KDM5C: variants seen among roughly 807,000 people sequenced by gnomAD.
KDM5C encodes the protein lysine-specific demethylase 5C.
In KDM5C, 16 loss-of-function variants were observed where a neutral mutation model predicts 110.6. The ratio of observed to expected loss-of-function variants is 0.14; its 90% confidence interval spans 0.10 to 0.22. The LOEUF is 0.22. Among genes scored for constraint, KDM5C ranks in the 10% least tolerant of loss-of-function variants. The probability of loss-of-function intolerance (pLI) is 1.00; values close to 1 mark genes in which losing one functional copy is unlikely to be tolerated. For missense variants in KDM5C, 681 were observed against 1,300.9 expected (o/e 0.52, Z 7.33); for synonymous variants, 511 against 520.4 (o/e 0.98, Z 0.24).
chrX:53,216,330 A>G, intron 5 of KDM5C, 133 bp from the exon 6 acceptor site: 1 of 950,975 alleles, frequency 1.1e-6, no homozygotes, highest in South Asian at 2.0e-5. Context: ...CTAAGCCAAG[A>G]ACTCAGAGTT....
chrX:53,176,277 T>C (rs1933882078), downstream of KDM5C, among the ~76,000 whole-genome samples: 1 of 111,752 alleles, frequency 8.9e-6, no homozygotes, highest in Non-Finnish European at 1.9e-5. Context: ...GAGATGAATA[T>C]TGCCAGGGAA....
Position 53,225,027 on chromosome X carries a change from A to G in KDM5C, c.-138T>C. On this transcript the variant is annotated 5_prime_UTR_variant, in exon 1 of 26. Coordinates refer to ENST00000375401, the MANE Select transcript of KDM5C (RefSeq NM_004187.5). ...GGCAGCCGCCGCCCGCCGAGGGCCTAAGGGGGCGTGTGGCCGTCGTGCTCT... is the reference window on the plus strand; with the variant it reads ...GGCAGCCGCCGCCCGCCGAGGGCCTGAGGGGGCGTGTGGCCGTCGTGCTCT... 1.3e-6 allele frequency: 1 copy of G among 758,413 alleles called. No homozygotes were observed. The highest frequency in any genetic ancestry group is 1.8e-6 in the Non-Finnish European group (1 of 542,001). 62.5% of individuals were successfully genotyped at this position (758,413 alleles called of 1,213,427 possible). A position where few individuals can be genotyped will look rare whatever the true frequency, so the allele number is the denominator to read the frequency against.
intron 1 of KDM5C, 97 bp from the exon 2 acceptor site, chrX:53,221,013 C>T: frequency 1.4e-6 from 1 of 730,142 alleles, no homozygotes; most frequent in Non-Finnish European, 2.1e-6. Flanking sequence ...TGGCACCTTC[C>T]CAAACCTCTA....
chrX:53,190,910 C>T (rs896387906), downstream of KDM5C, among the ~76,000 whole-genome samples: 30 of 111,767 alleles, frequency 2.7e-4, no homozygotes, highest in Non-Finnish European at 5.1e-4. Context: ...CAGGACCCAG[C>T]CTTTAGCCTC....
chrX:53,193,366 G>A (rs1556832678), intron 25 of KDM5C, 34 bp from the exon 26 acceptor site: 2 of 1,211,126 alleles, frequency 1.7e-6, no homozygotes, highest in Non-Finnish European at 2.2e-6. Flanking sequence ...GACAGGTTGT[G>A]GGCCAGTGGT....
chrX:53,197,797 C>T lies in KDM5C; in HGVS notation c.2596G>A (p.Ala866Thr), dbSNP rs868906719. 4 of 1,203,535 alleles carry T rather than the reference C, an allele frequency of 3.3e-6. No individual in the cohort carries two copies. The highest frequency in any genetic ancestry group is 3.0e-5 in the East Asian group (1 of 33,504). Residue 866 changes from alanine to threonine, a missense_variant, in exon 18 of 26, where the codon GCC (alanine) becomes ACC (threonine). Physicochemically the swap from Ala to Thr is moderately conservative, Grantham distance 58. Around this residue, in one of 14 missense-constraint regions of KDM5C, gnomAD observed 123 missense variants for 169.0 expected, o/e 0.73. Transcript: ENST00000375401. ...FLDQMNNLPC[A>T]MHQIGDVKGV... ...TTGACATCCCCAATCTGGTGCATGG[C>T]GCAAGGCAGGTTGTTCATCTGGTCC...
intron 10 of KDM5C, 91 bp from the exon 11 acceptor site, chrX:53,210,948 T>C (rs2073538531): frequency 5.8e-6 from 5 of 868,815 alleles, no homozygotes; most frequent in Middle Eastern, 6.6e-4. Flanking sequence ...GGAACCTTAA[T>C]TTTGAGGTCA....
At chrX:53,204,970 G>A (rs1163422091) in intron 12 of KDM5C, among the ~76,000 whole-genome samples, 1 of 111,856 alleles carries the variant, frequency 8.9e-6, no homozygotes, top group African/African-American at 3.3e-5. Context: ...TCATCTATCT[G>A]TTTTCTAGTT....
chrX:53,192,685 C>G lies in KDM5C; in HGVS notation c.*282G>C. On this transcript the variant is annotated 3_prime_UTR_variant, in exon 26 of 26. Transcript: ENST00000375401. ...GGTGATGGCCCAGCCCCAGCCACCC[C>G]CCTGCCCACCAGCCCATCCATCTAT... The G allele has an allele frequency of 1.1e-5, 13 of 1,133,107 alleles. No homozygotes were observed. The highest frequency in any genetic ancestry group is 5.2e-5 in the Admixed American group (2 of 38,527). The allele number at this position is 1,133,107 out of a possible 1,213,427, so 93.4% of individuals were successfully genotyped here.
At chrX:53,195,881 C>T in intron 20 of KDM5C, 35 bp downstream of exon 20, 1 of 1,198,225 alleles carries the variant, frequency 8.3e-7, no homozygotes. Context: ...CCCAGCTGGA[C>T]TGAAGGCCTG....
At chrX:53,192,106 GT>G (rs1424580592), downstream of KDM5C, 1 of 174,641 alleles carries the variant, frequency 5.7e-6, no homozygotes, top group African/African-American at 2.9e-5. Context: ...CCACTGACTG[GT>G]GATGGAAGCA....
intron 25 of KDM5C, among the ~76,000 whole-genome samples, chrX:53,182,374 C>T (rs782816577): frequency 1.8e-5 from 2 of 110,786 alleles, no homozygotes; most frequent in Admixed American, 9.6e-5. Flanking sequence ...TGAGCCACTG[C>T]GCCTGGCTGG....
At chrX:53,194,827 A>C in intron 22 of KDM5C, 89 bp from the exon 23 acceptor site, 1 of 1,185,855 alleles carries the variant, frequency 8.4e-7, no homozygotes, top group East Asian at 3.0e-5. Flanking sequence ...CTCCCAAACC[A>C]GGAGAACTGA....
In KDM5C at chrX:53,195,241, G is replaced by C; in HGVS notation, c.3290C>G (p.Thr1097Arg). The C allele has an allele frequency of 8.3e-7, 1 of 1,203,181 alleles. No homozygotes were observed. Among genetic ancestry groups the C allele is most frequent in the Non-Finnish European group, 1.1e-6 (1 of 890,674 alleles). ...KTFLKKNSCY[T>R]LLEVLCPCAD... ...GGTCCCAGGCCTCACCTCCAGCAGC[G>C]TGTAGCAAGAATTTTTCTTGAGGAA... Residue 1097 changes from threonine to arginine, a missense_variant, in exon 21 of 26, where the codon ACG becomes AGG. Coordinates refer to ENST00000375401, the MANE Select transcript of KDM5C (RefSeq NM_004187.5).
At chrX:53,218,580 T>C (rs1556853224) in intron 2 of KDM5C, 182 bp from the exon 3 acceptor site, 1 of 553,763 alleles carries the variant, frequency 1.8e-6, no homozygotes, top group Non-Finnish European at 3.0e-6. Context: ...CTCATTTCTT[T>C]CGTTTTTGTT....
chrX:53,215,188 G>A, intron 7 of KDM5C: 1 of 390,354 alleles, frequency 2.6e-6, no homozygotes, highest in South Asian at 2.5e-5. Flanking sequence ...GGTCCATAAA[G>A]GGCACTGTGG....
intron 2 of KDM5C, among the ~76,000 whole-genome samples, chrX:53,219,325 T>C (rs919819619): frequency 5.3e-5 from 6 of 112,708 alleles, no homozygotes; most frequent in Admixed American, 4.7e-4. Context: ...AAAAGGCACA[T>C]GCACCTCCTT....
Position 53,199,180 on chromosome X carries a change from G to A in KDM5C, c.2062-22C>T, listed in dbSNP as rs184610589. 38 of 1,202,050 alleles carry A rather than the reference G, an allele frequency of 3.2e-5. No individual in the cohort carries two copies. In the African/African-American group the frequency reaches 5.6e-4, roughly 18 times the overall value. ...TACCCTAAGGGCATTTAACCTATGC[G>A]TTATATATAACCAGAACCAGGTAGC... On this transcript the variant is annotated intron_variant, in intron 14 of 25. Coordinates refer to ENST00000375401, the MANE Select transcript of KDM5C (RefSeq NM_004187.5).
intron 19 of KDM5C, among the ~76,000 whole-genome samples, chrX:53,196,336 G>A (rs1460086594): frequency 8.9e-6 from 1 of 112,433 alleles, no homozygotes; most frequent in Non-Finnish European, 1.9e-5. Context: ...CCTGTATTGT[G>A]TAATCTGTTG....
Sources: allele counts gnomAD v4.1 joint callset (sites outside exome capture counted in the v4.1 genomes callset), GRCh38; gene constraint gnomAD v4.1.1; regional missense constraint gnomAD v4.1.1; transcripts MANE v1.5; gene names NCBI Gene and HGNC (gene_info 2026-07-23, HGNC 2026-07-21).